RAB3GAP1: variants seen among roughly 807,000 people sequenced by gnomAD.
RAB3GAP1 encodes rab3 GTPase-activating protein catalytic subunit.
A neutral mutation model predicts 130.7 loss-of-function variants in RAB3GAP1; 86 were observed. The ratio of observed to expected loss-of-function variants is 0.66; its 90% CI spans 0.55 to 0.79. The LOEUF is 0.79. RAB3GAP1 is among the 30% of genes least tolerant of loss of function. The pLI, the probability that RAB3GAP1 is intolerant of heterozygous loss-of-function variation, is 0.00. For synonymous variants in RAB3GAP1, 367 were observed against 401.7 expected (o/e 0.91, Z 1.03); for missense variants, 1,029 against 1,169.4 (o/e 0.88, Z 1.75).
In RAB3GAP1 at chr2:135,163,121, T is replaced by C. The variant is rs769817628; in HGVS notation, c.2606+20T>C. ...TGAAAGGTAATTGCTATTTGGCTAA[T>C]TCAGTTTTGTCTGCAGTAGGAAAAG... On this transcript the variant is annotated intron_variant, in intron 22 of 23. Coordinates refer to ENST00000264158, the MANE Select transcript of RAB3GAP1 (RefSeq NM_012233.3). 2 of 1,571,294 alleles carry C rather than the reference T, an allele frequency of 1.3e-6. No homozygotes were observed. Among genetic ancestry groups the C allele is most frequent in the East Asian group, 4.5e-5 (2 of 44,676 alleles).
chr2:135,064,940 A>T (rs1197611246), intron 3 of RAB3GAP1, among the ~76,000 whole-genome samples: 1 of 145,782 alleles, frequency 6.9e-6, no homozygotes, highest in Admixed American at 6.9e-5. Flanking sequence ...GGTTGTAGAG[A>T]GTGGTTTGCT....
At chr2:135,068,477 G>T (rs1689383771) in intron 3 of RAB3GAP1, among the ~76,000 whole-genome samples, 2 of 151,936 alleles carry the variant, frequency 1.3e-5, no homozygotes, top group Non-Finnish European at 2.9e-5. Context: ...AAGAGGCTGG[G>T]CGCCGTGGCT....
chr2:135,128,683 A>G (rs1308435525), intron 11 of RAB3GAP1, among the ~76,000 whole-genome samples: 3 of 152,184 alleles, frequency 2.0e-5, no homozygotes, highest in East Asian at 1.9e-4. Context: ...GACTTTTCCT[A>G]CCTTTCTGAA....
At chr2:135,158,005 A>G (rs1692362698) in intron 19 of RAB3GAP1, among the ~76,000 whole-genome samples, 1 of 152,250 alleles carries the variant, frequency 6.6e-6, no homozygotes, top group East Asian at 1.9e-4. Flanking sequence ...TTACTGTGGA[A>G]GTGAGATGCA....
At chr2:135,161,020 G>A (rs1341814020) in intron 19 of RAB3GAP1, among the ~76,000 whole-genome samples, 2 of 152,194 alleles carry the variant, frequency 1.3e-5, no homozygotes, top group Middle Eastern at 3.4e-3. Flanking sequence ...CATATTTCAC[G>A]TTATTCCTGC....
At chr2:135,054,390 G>A (rs1688954801) in intron 2 of RAB3GAP1, among the ~76,000 whole-genome samples, 1 of 152,204 alleles carries the variant, frequency 6.6e-6, no homozygotes, top group Non-Finnish European at 1.5e-5. Flanking sequence ...GTAGAATAAT[G>A]GTGGGAGACT....
chr2:135,061,845 G>A (rs1472503043), intron 3 of RAB3GAP1, among the ~76,000 whole-genome samples: 1 of 151,994 alleles, frequency 6.6e-6, no homozygotes, highest in Non-Finnish European at 1.5e-5. Context: ...TAGGGATCAA[G>A]TTTCTTCTTC....
At chr2:135,077,576 A>T (rs1689666314) in intron 3 of RAB3GAP1, among the ~76,000 whole-genome samples, 1 of 152,178 alleles carries the variant, frequency 6.6e-6, no homozygotes, top group South Asian at 2.1e-4. Flanking sequence ...TTGGGTATAC[A>T]ATCAGAAGTG....
rs1196781468 is a variant in RAB3GAP1, at chr2:135,168,882, T to C, written c.*101T>C. On this transcript the variant is annotated 3_prime_UTR_variant, in exon 24 of 24. Coordinates refer to ENST00000264158, the MANE Select transcript of RAB3GAP1 (RefSeq NM_012233.3). Reference sequence around the variant, plus strand: ...ACCTGGGAGGTCCTGGAGAGGGCCCTGTCCAGTTGGGTGATCAGGAATCAA... The same window carrying C: ...ACCTGGGAGGTCCTGGAGAGGGCCCCGTCCAGTTGGGTGATCAGGAATCAA... 2.0e-6 allele frequency: 2 copies of C among 994,414 alleles called. No individual in the cohort carries two copies. The highest frequency in any genetic ancestry group is 3.2e-6 in the Non-Finnish European group (2 of 623,772). The allele number at this position is 994,414 out of a possible 1,614,324, so 61.6% of individuals were successfully genotyped here.
At chr2:135,119,365 C>T (rs1691128497) in intron 7 of RAB3GAP1, among the ~76,000 whole-genome samples, 1 of 152,198 alleles carries the variant, frequency 6.6e-6, no homozygotes, top group Non-Finnish European at 1.5e-5. Context: ...CCGCCTTGGC[C>T]TCCCAAAGTG....
At chr2:135,090,834 T>C (rs1212559691) in intron 3 of RAB3GAP1, among the ~76,000 whole-genome samples, 164 bp from the exon 4 acceptor site, 1 of 152,152 alleles carries the variant, frequency 6.6e-6, no homozygotes, top group Non-Finnish European at 1.5e-5. Context: ...GATAAATCAT[T>C]TATAAAATAA....
intron 5 of RAB3GAP1, among the ~76,000 whole-genome samples, chr2:135,101,208 T>C (rs1690438720): frequency 6.6e-6 from 1 of 152,228 alleles, no homozygotes. Flanking sequence ...CATATAATTT[T>C]TATTGTAATT....
At chr2:135,156,179 CAT>C (rs2104987087) in intron 19 of RAB3GAP1, among the ~76,000 whole-genome samples, 1 of 152,144 alleles carries the variant, frequency 6.6e-6, no homozygotes, top group African/African-American at 2.4e-5. Context: ...GACAAATTTT[CAT>C]AGAGACAATT....
downstream of RAB3GAP1, among the ~76,000 whole-genome samples, chr2:135,173,223 GA>G (rs1692906971): frequency 6.6e-6 from 1 of 151,994 alleles, no homozygotes. Flanking sequence ...GGAGCTTAAG[GA>G]AAGGGTTAGG....
At chr2:135,150,651 C>A in intron 18 of RAB3GAP1, 145 bp downstream of exon 18, 3 of 1,056,480 alleles carry the variant, frequency 2.8e-6, no homozygotes, top group Admixed American at 4.0e-5. Flanking sequence ...ACTCTGCCAC[C>A]ATCCCCCCAG....
chr2:135,077,186 C>CTTGAACCTGGGAGGTGGAGGT, intron 3 of RAB3GAP1, among the ~76,000 whole-genome samples: 1 of 152,082 alleles, frequency 6.6e-6, no homozygotes, highest in Non-Finnish European at 1.5e-5. Context: ...AGGAGAATTG[C>CTTGAACCTGGGAGGTGGAGGT]TTGAACCTGG....
At position 135,150,483 on chromosome 2, in the gene RAB3GAP1, C is replaced by G. The variant is rs1692144601; in HGVS notation, c.2038C>G (p.Leu680Val). 6.2e-7 allele frequency: 1 copy of G among 1,613,996 alleles called. No homozygotes were observed. Among genetic ancestry groups the G allele is most frequent in the South Asian group, 1.1e-5 (1 of 91,082 alleles). Reference protein sequence around the residue: ...LRARMQSACLLSDMESFKAAN... With the variant: ...LRARMQSACLVSDMESFKAAN... ...AGCACGCATGCAGAGTGCCTGTCTG[C>G]TCTCAGATATGGAGTCTTTTAAGGT... is the stretch of plus-strand genomic sequence containing the variant. The change falls in exon 18 of 24, where the codon CTC (leucine) becomes GTC (valine). Residue 680 changes from leucine to valine, a missense_variant. Transcript: ENST00000264158.
intron 23 of RAB3GAP1, chr2:135,167,654 T>C: frequency 6.8e-7 from 1 of 1,462,544 alleles, no homozygotes; most frequent in Non-Finnish European, 9.3e-7. Flanking sequence ...CTTGCTTGTT[T>C]CCCTTTCATC....
intron 3 of RAB3GAP1, among the ~76,000 whole-genome samples, chr2:135,085,086 G>A (rs1189090594): frequency 6.6e-6 from 1 of 152,178 alleles, no homozygotes; most frequent in Non-Finnish European, 1.5e-5. Context: ...ATACAAGGAA[G>A]ATGGAAGGTA....
Sources: gnomAD v4.1 joint callset for allele counts (sites outside exome capture counted in the v4.1 genomes callset) on GRCh38, gnomAD v4.1.1 for gene constraint, MANE v1.5 for transcripts, NCBI Gene and HGNC (gene_info 2026-07-23, HGNC 2026-07-21) for gene names.